Variants in DSCAM observed in about 807,000 individuals in gnomAD.
DSCAM encodes the protein DS cell adhesion molecule, also known as cell adhesion molecule DSCAM.
A neutral mutation model predicts 217.7 loss-of-function variants in DSCAM; 47 were observed. The observed-to-expected ratio is 0.22, with a 90% CI of 0.17 to 0.28. The LOEUF (loss-of-function observed/expected upper bound fraction) is 0.28. DSCAM is among the 10% of genes least tolerant of loss of function. DSCAM has a pLI of 1.00. For synonymous variants in DSCAM, 1,056 were observed against 1,015.3 expected (o/e 1.04, Z -0.76); for missense variants, 2,080 against 2,618.3 (o/e 0.79, Z 4.49).
chr21:40,539,130 G>C (rs2076523116), intron 3 of DSCAM, among the ~76,000 whole-genome samples: 2 of 152,158 alleles, frequency 1.3e-5, no homozygotes, highest in African/African-American at 2.4e-5. Context: ...ACAAGCTTGT[G>C]GTTGGGGAGG....
chr21:40,604,536 A>G (rs529564059), intron 3 of DSCAM, among the ~76,000 whole-genome samples: 12 of 152,334 alleles, frequency 7.9e-5, no homozygotes, highest in African/African-American at 2.9e-4. Flanking sequence ...GAAAGCTAAT[A>G]TAATTAGACT....
chr21:40,186,643 G>T (rs148249193), intron 14 of DSCAM, among the ~76,000 whole-genome samples: 117 of 152,304 alleles, frequency 7.7e-4, no homozygotes, highest in African/African-American at 2.8e-3. Flanking sequence ...CCAGGAGGTT[G>T]CTCCAGAGTG....
chr21:40,818,548 A>C (rs796624542), intron 1 of DSCAM, among the ~76,000 whole-genome samples: 18 of 32,582 alleles, frequency 5.5e-4, no homozygotes, highest in African/African-American at 5.0e-3. Context: ...TCCGTCTCAC[A>C]AAAAAAAAAA....
chr21:40,636,072 A>G (rs187422839), intron 3 of DSCAM, among the ~76,000 whole-genome samples: 200 of 152,334 alleles, frequency 1.3e-3, no homozygotes, highest in Middle Eastern at 6.8e-3. Flanking sequence ...ATTGAAAGAA[A>G]CCTGGGTAAC....
chr21:40,145,063 A>G (rs1226223525), intron 16 of DSCAM, among the ~76,000 whole-genome samples: 9 of 152,188 alleles, frequency 5.9e-5, no homozygotes, highest in Non-Finnish European at 1.3e-4. Context: ...TCTGTCCTTC[A>G]TGATGTACTG....
chr21:40,064,164 T>C, intron 27 of DSCAM, among the ~76,000 whole-genome samples: 1 of 139,698 alleles, frequency 7.2e-6, no homozygotes, highest in East Asian at 2.5e-4. Flanking sequence ...TATGTATATA[T>C]ATATACATAC....
chr21:40,818,486 C>T (rs2091901219), intron 1 of DSCAM, among the ~76,000 whole-genome samples: 1 of 131,180 alleles, frequency 7.6e-6, no homozygotes, highest in South Asian at 2.5e-4. Context: ...GTGGAGCTTG[C>T]AGTGAGCCAA....
In DSCAM at chr21:40,014,939, G is replaced by C. The variant is rs140664018; in HGVS notation, c.5687-1553C>G. ...ATTTGATGCCGTTGATATTTTTGTT[G>C]TTGGCCCTTTCAGCTGCCAGGGCAC... On this transcript the variant is annotated intron_variant, in intron 32 of 32. Transcript: ENST00000400454. 4.3e-4 allele frequency among the ~76,000 whole-genome samples: 65 copies of C among 152,216 alleles called. 2 individuals are homozygous for C. The East Asian group carries it at 0.013, about 29-fold the overall frequency.
intron 3 of DSCAM, among the ~76,000 whole-genome samples, chr21:40,542,870 C>T (rs934596686): frequency 2.0e-5 from 3 of 152,148 alleles, no homozygotes; most frequent in African/African-American, 4.8e-5. Flanking sequence ...TCTTCCTAGT[C>T]CAGCATCATG....
intron 3 of DSCAM, among the ~76,000 whole-genome samples, chr21:40,685,539 A>G (rs1216917514): frequency 6.6e-6 from 1 of 152,162 alleles, no homozygotes; most frequent in African/African-American, 2.4e-5. Context: ...ACCTCTTATC[A>G]TGACTCATTG....
Position 40,178,932 on chromosome 21 carries a change from T to C in DSCAM, c.2942A>G (p.Glu981Gly), listed in dbSNP as rs765923192. The stretch of plus-strand genomic sequence containing the variant: ...TTCCGCCCGGTCCCACGTACCTGCC[T>C]CGTCCGCCGTGATGGTGAGCTCGTT... ...PSNELTITAD[E>G]AAPDGPPQEV... The change falls in exon 15 of 33, where the codon GAG becomes GGG. Residue 981 changes from glutamate (E) to glycine (G), a missense_variant. This residue lies in a region of DSCAM where 1,144 missense variants were observed against 1,421.1 expected (regional missense o/e 0.81). Coordinates refer to ENST00000400454, the MANE Select transcript of DSCAM (RefSeq NM_001389.5). The C allele has an allele frequency of 6.2e-7, 1 of 1,613,542 alleles. No individual in the cohort carries two copies. The highest frequency in any genetic ancestry group is 8.5e-7 in the Non-Finnish European group (1 of 1,179,994).
At chr21:40,764,719 G>C (rs145408897) in intron 1 of DSCAM, among the ~76,000 whole-genome samples, 4 of 152,182 alleles carry the variant, frequency 2.6e-5, no homozygotes, top group African/African-American at 7.2e-5. Flanking sequence ...ATCAATGATA[G>C]ACTGGATAAA....
intron 18 of DSCAM, among the ~76,000 whole-genome samples, chr21:40,138,519 AGT>A (rs1425395534): frequency 2.6e-5 from 3 of 117,200 alleles, no homozygotes; most frequent in East Asian, 5.4e-4. Flanking sequence ...ATGTATGCGG[AGT>A]GTGTGTGGTG....
chr21:40,406,855 G>A (rs554922053), intron 3 of DSCAM, among the ~76,000 whole-genome samples: 78 of 152,250 alleles, frequency 5.1e-4, no homozygotes, highest in African/African-American at 1.8e-3. Context: ...CTGACCTCGA[G>A]TGATCCACCT....
chr21:40,767,302 G>A (rs116987650), intron 1 of DSCAM, among the ~76,000 whole-genome samples: 1,897 of 152,104 alleles, frequency 0.012, 70 homozygotes, highest in Admixed American at 0.08. Flanking sequence ...AATAAGGGTC[G>A]TAGAATTGGT....
chr21:40,563,122 CAAAATGTCAA>C (rs2076733759), intron 3 of DSCAM, among the ~76,000 whole-genome samples: 2 of 151,704 alleles, frequency 1.3e-5, no homozygotes, highest in African/African-American at 4.8e-5. Context: ...CACCACATCT[CAAAATGTCAA>C]AACTGCCAGT....
At chr21:40,649,693 G>A (rs933497842) in intron 3 of DSCAM, among the ~76,000 whole-genome samples, 1 of 152,164 alleles carries the variant, frequency 6.6e-6, no homozygotes, top group African/African-American at 2.4e-5. Flanking sequence ...GCTTTGAGAG[G>A]TGAGTGTGCC....
chr21:40,591,413 C>T (rs924289897), intron 3 of DSCAM, among the ~76,000 whole-genome samples: 5 of 152,118 alleles, frequency 3.3e-5, no homozygotes, highest in South Asian at 2.1e-4. Flanking sequence ...TACCTAAACA[C>T]GCAATACTAG....
intron 11 of DSCAM, among the ~76,000 whole-genome samples, chr21:40,240,879 ATCT>A (rs771850584): frequency 2.2e-4 from 34 of 152,344 alleles, no homozygotes; most frequent in Non-Finnish European, 4.0e-4. Context: ...GATCTATCAC[ATCT>A]TACCCACAGA....
Sources: allele counts gnomAD v4.1 joint callset (sites outside exome capture counted in the v4.1 genomes callset), GRCh38; gene constraint gnomAD v4.1.1; regional missense constraint gnomAD v4.1.1; transcripts MANE v1.5; gene names NCBI Gene and HGNC (gene_info 2026-07-23, HGNC 2026-07-21).